The following D2HGDH variants were observed in gnomAD, a reference collection of about 807,000 sequenced individuals.
D2HGDH encodes D-2-hydroxyglutarate dehydrogenase.
D2HGDH carries 31 observed loss-of-function variants against 46.9 expected under a neutral mutation model. That is an observed-to-expected ratio of 0.66 (90% CI 0.50 to 0.89). The LOEUF (loss-of-function observed/expected upper bound fraction) is 0.89. Among genes scored for constraint, D2HGDH ranks in the 40% least tolerant of loss-of-function variants. The pLI is 0.00. For missense variants in D2HGDH, 698 were observed against 720.8 expected (o/e 0.97, Z 0.36); for synonymous variants, 364 against 332.6 (o/e 1.09, Z -1.03).
At chr2:241,767,668 G>A (rs1406459321) in intron 9 of D2HGDH, 42 bp from the exon 10 acceptor site, 1 of 1,611,352 alleles carries the variant, frequency 6.2e-7, no homozygotes, top group Non-Finnish European at 8.5e-7. Flanking sequence ...GGTCCTGGGG[G>A]CTGCCCTGCC....
rs1437082537 is a variant in D2HGDH at position 241,735,332 on chromosome 2, C to G, written c.108C>G (p.Cys36Trp). 8 of 1,547,022 alleles carry G rather than the reference C, an allele frequency of 5.2e-6. No individual in the cohort carries two copies. The Admixed American group carries it at 1.6e-4, about 30-fold the overall frequency. Residue 36 changes from cysteine to tryptophan, a missense_variant, in exon 2 of 10, where the codon TGC becomes TGG. Cys to Trp is a radical substitution (Grantham distance 215). Coordinates refer to ENST00000321264, the MANE Select transcript of D2HGDH (RefSeq NM_152783.5). ...RPVGPLARRG[C>W]CSAPGTPEVP... is the part of the protein sequence containing the mutation. ...TTGGCCCCCTGGCCCGCAGAGGCTGCTGCTCCGCCCCGGGGACCCCCGAGG... is the reference window on the plus strand; with the variant it reads ...TTGGCCCCCTGGCCCGCAGAGGCTGGTGCTCCGCCCCGGGGACCCCCGAGG...
rs1172379477 is a variant in D2HGDH at position 241,767,753 on chromosome 2, C to T, written c.1350C>T (p.Ser450=). 17 of 1,612,618 alleles carry T rather than the reference C, an allele frequency of 1.1e-5. No individual in the cohort carries two copies. The highest frequency in any genetic ancestry group is 1.4e-5 in the Non-Finnish European group (17 of 1,179,600). ...TCAATGTGACGGCGGAGGCCTTCAG[C>T]CCCTCGCTCCTGGCTGCCCTGGAGC... ...LHLNVTAEAF[S]PSLLAALEPH... is the part of the protein sequence containing the mutation. The change falls in exon 10 of 10, where the codon AGC becomes AGT. Residue 450 remains serine (S), a synonymous_variant. Transcript: ENST00000321264.
intron 2 of D2HGDH, chr2:241,736,234 A>T (rs1256424162): frequency 6.6e-6 from 1 of 152,326 alleles, no homozygotes; most frequent in African/African-American, 2.4e-5. Flanking sequence ...GAAAAAACAA[A>T]AAGTAAAAAA....
chr2:241,756,913 C>A lies in D2HGDH; in HGVS notation c.1306+899C>A, dbSNP rs570115028. 9.7e-4 allele frequency among the ~76,000 whole-genome samples: 147 copies of A among 152,188 alleles called. 2 individuals carry two copies. Among genetic ancestry groups the A allele is most frequent in the Non-Finnish European group, 5.9e-5 (4 of 68,018 alleles). On this transcript the variant is annotated intron_variant, in intron 9 of 9. Transcript: ENST00000321264. Reference sequence around the variant, plus strand: ...TGGGGGCAGTGCTGGGGGTGTGGAGCATGGCTTTGGGGCCTGACAGATATT... The same window carrying A: ...TGGGGGCAGTGCTGGGGGTGTGGAGAATGGCTTTGGGGCCTGACAGATATT...
At chr2:241,756,231 C>T (rs530027676) in intron 9 of D2HGDH, among the ~76,000 whole-genome samples, 1 of 152,364 alleles carries the variant, frequency 6.6e-6, no homozygotes, top group Admixed American at 6.5e-5. Context: ...AGACTGCCAT[C>T]GTGCACTTGT....
chr2:241,755,384 C>T (rs1240342833), intron 8 of D2HGDH: 13 of 1,304,378 alleles, frequency 1.0e-5, no homozygotes, highest in Non-Finnish European at 1.3e-5. Context: ...TACCCTGCCC[C>T]ACCCTGGTTC....
At chr2:241,764,965 G>T (rs1699154079) in intron 9 of D2HGDH, among the ~76,000 whole-genome samples, 1 of 152,216 alleles carries the variant, frequency 6.6e-6, no homozygotes, top group African/African-American at 2.4e-5. Context: ...GCGGGCCAGG[G>T]CCAGGGTGTG....
At chr2:241,738,344 C>T (rs1301545375) in intron 2 of D2HGDH, among the ~76,000 whole-genome samples, 1 of 152,342 alleles carries the variant, frequency 6.6e-6, no homozygotes, top group East Asian at 1.9e-4. Flanking sequence ...CTGGGTGGCC[C>T]TAGGCAGATG....
intron 9 of D2HGDH, among the ~76,000 whole-genome samples, chr2:241,759,904 G>A (rs1415903580): frequency 4.6e-5 from 7 of 152,196 alleles, no homozygotes; most frequent in Non-Finnish European, 7.3e-5. Flanking sequence ...TGGTACCCTC[G>A]TTTGGTCAAA....
intron 8 of D2HGDH, among the ~76,000 whole-genome samples, chr2:241,754,187 G>A (rs1012889181): frequency 2.0e-5 from 3 of 152,216 alleles, no homozygotes; most frequent in African/African-American, 4.8e-5. Context: ...GTCTGATGAG[G>A]AGGTAAGAAG....
rs1696914105 is a variant in D2HGDH at position 241,750,295 on chromosome 2, G to C, written c.997+1G>C. 1 of 1,596,610 alleles carries C rather than the reference G, an allele frequency of 6.3e-7. No individual in the cohort carries two copies. The highest frequency in any genetic ancestry group is 8.6e-7 in the Non-Finnish European group (1 of 1,169,558). On this transcript the variant is annotated splice_donor_variant, in intron 7 of 9. Coordinates refer to ENST00000321264, the MANE Select transcript of D2HGDH (RefSeq NM_152783.5). LOFTEE classifies it high-confidence loss of function. Reference sequence around the variant, plus strand: ...CTCCACCTGGCCAGCCCGGTGCAAGGTACTGACCCCCCACACAGGGGGCAG... The same window carrying C: ...CTCCACCTGGCCAGCCCGGTGCAAGCTACTGACCCCCCACACAGGGGGCAG...
intron 9 of D2HGDH, among the ~76,000 whole-genome samples, chr2:241,765,086 G>C (rs1291513963): frequency 6.6e-6 from 1 of 152,212 alleles, no homozygotes; most frequent in Non-Finnish European, 1.5e-5. Flanking sequence ...AGCTCCAGGG[G>C]CGACACCCAT....
intron 9 of D2HGDH, among the ~76,000 whole-genome samples, chr2:241,763,878 C>T (rs1013299384): frequency 3.3e-5 from 5 of 151,798 alleles, no homozygotes; most frequent in Non-Finnish European, 5.9e-5. Flanking sequence ...CCCGACCACC[C>T]GCCGTTTCTA....
intron 6 of D2HGDH, among the ~76,000 whole-genome samples, chr2:241,745,585 C>T (rs907586067): frequency 2.6e-5 from 4 of 152,168 alleles, no homozygotes; most frequent in Non-Finnish European, 5.9e-5. Context: ...TTCCTTCAGC[C>T]ACTTACATCT....
chr2:241,762,571 C>T (rs1249046247), intron 9 of D2HGDH, among the ~76,000 whole-genome samples: 1 of 152,162 alleles, frequency 6.6e-6, no homozygotes, highest in East Asian at 1.9e-4. Flanking sequence ...CCTCTTCAAA[C>T]ACCGTTTCTC....
chr2:241,762,207 G>C (rs918091731), intron 9 of D2HGDH, among the ~76,000 whole-genome samples: 4 of 151,790 alleles, frequency 2.6e-5, no homozygotes, highest in Non-Finnish European at 5.9e-5. Flanking sequence ...GAGCAGCTGG[G>C]ATTACAGGCG....
In D2HGDH at chr2:241,735,388, G is replaced by C. The variant is rs77940364; in HGVS notation, c.164G>C (p.Arg55Pro). Reference sequence around the variant, plus strand: ...CTGACCCGGGAGCGCTACCCCGTGCGGCGCTTGCCGTTCTCCACGGTGTCT... The same window carrying C: ...CTGACCCGGGAGCGCTACCCCGTGCCGCGCTTGCCGTTCTCCACGGTGTCT... ...VPLTRERYPV[R>P]RLPFSTVSKQ... The change falls in exon 2 of 10, where the codon CGG (arginine) becomes CCG (proline). Residue 55 changes from arginine (R) to proline (P), a missense_variant. By Grantham distance (103) the Arg-to-Pro change is moderately radical (BLOSUM62 -2). Transcript: ENST00000321264. The C allele has an allele frequency of 6.3e-7, 1 of 1,589,888 alleles. No homozygotes were observed. The highest frequency in any genetic ancestry group is 1.1e-5 in the South Asian group (1 of 88,490).
intron 9 of D2HGDH, among the ~76,000 whole-genome samples, chr2:241,763,219 T>G (rs1289100433): frequency 6.6e-6 from 1 of 152,224 alleles, no homozygotes; most frequent in Non-Finnish European, 1.5e-5. Context: ...TTTCGTTTTG[T>G]GTGAGCATCA....
At chr2:241,763,387 C>T (rs997546862) in intron 9 of D2HGDH, among the ~76,000 whole-genome samples, 4 of 152,098 alleles carry the variant, frequency 2.6e-5, no homozygotes, top group African/African-American at 9.7e-5. Flanking sequence ...AAAGCTAATC[C>T]TAGAAAAGGG....
Sources: gnomAD v4.1 joint callset for allele counts (sites outside exome capture counted in the v4.1 genomes callset) on GRCh38, gnomAD v4.1.1 for gene constraint, MANE v1.5 for transcripts, NCBI Gene and HGNC (gene_info 2026-07-23, HGNC 2026-07-21) for gene names.